The following CSMD3 variants were observed in gnomAD, a reference collection of about 807,000 sequenced individuals.
The protein encoded by CSMD3 is CUB and sushi domain-containing protein 3.
A neutral mutation model predicts 435.2 loss-of-function variants in CSMD3; 177 were observed. That is an observed-to-expected ratio of 0.41 (90% CI 0.36 to 0.46). The LOEUF (loss-of-function observed/expected upper bound fraction) is 0.46, where lower values mean the gene tolerates loss of function less well. Among genes scored for constraint, CSMD3 ranks in the 20% least tolerant of loss-of-function variants. CSMD3 has a pLI of 0.34. For synonymous variants in CSMD3, 1,656 were observed against 1,520.5 expected (o/e 1.09, Z -2.07); for missense variants, 4,265 against 4,504.6 (o/e 0.95, Z 1.52).
intron 4 of CSMD3, among the ~76,000 whole-genome samples, chr8:113,138,375 A>G (rs2091466950): frequency 6.6e-6 from 1 of 151,490 alleles, no homozygotes; most frequent in African/African-American, 2.4e-5. Context: ...TAGCTTATAA[A>G]TGCTGGCAAA....
chr8:112,231,721 A>G (rs951767654), intron 68 of CSMD3, 89 bp from the exon 69 acceptor site: 5 of 856,278 alleles, frequency 5.8e-6, no homozygotes, highest in Non-Finnish European at 9.9e-6. Context: ...TTATTCTGAA[A>G]GAAATATTAT....
At chr8:112,699,125 C>A (rs904552983) in intron 13 of CSMD3, among the ~76,000 whole-genome samples, 3 of 152,102 alleles carry the variant, frequency 2.0e-5, no homozygotes, top group Non-Finnish European at 4.4e-5. Flanking sequence ...CCGCTCGCGT[C>A]CCCTTCCATG....
intron 3 of CSMD3, among the ~76,000 whole-genome samples, chr8:113,235,424 A>C (rs2093136973): frequency 6.6e-6 from 1 of 152,138 alleles, no homozygotes; most frequent in Non-Finnish European, 1.5e-5. Context: ...CAGACCTTTT[A>C]CACAGAGTCA....
intron 1 of CSMD3, among the ~76,000 whole-genome samples, chr8:113,406,571 A>C (rs2129708343): frequency 6.6e-6 from 1 of 152,106 alleles, no homozygotes; most frequent in East Asian, 1.9e-4. Context: ...GTAAGCTCCA[A>C]AAGTTCAATC....
chr8:113,199,675 C>A (rs540096582), intron 3 of CSMD3, among the ~76,000 whole-genome samples: 6 of 151,720 alleles, frequency 4.0e-5, no homozygotes, highest in African/African-American at 1.2e-4. Flanking sequence ...GAGCAGCCTG[C>A]TGAAAGCCAC....
At chr8:113,101,305 A>G (rs950350763) in intron 4 of CSMD3, among the ~76,000 whole-genome samples, 3 of 152,098 alleles carry the variant, frequency 2.0e-5, no homozygotes, top group Non-Finnish European at 4.4e-5. Context: ...CTTGGACAGC[A>G]TGTAAGACCA....
chr8:112,421,603 A>T (rs1376290831), intron 32 of CSMD3, among the ~76,000 whole-genome samples: 1 of 147,048 alleles, frequency 6.8e-6, no homozygotes. Flanking sequence ...TACATATAAT[A>T]ATATATGTAT....
chr8:113,081,665 ATCT>A (rs2089569736), intron 5 of CSMD3, among the ~76,000 whole-genome samples: 1 of 151,964 alleles, frequency 6.6e-6, no homozygotes, highest in Non-Finnish European at 1.5e-5. Flanking sequence ...ATCACACTAC[ATCT>A]TGCCCTGGGG....
At chr8:112,329,064 T>G (rs141890483) in intron 45 of CSMD3, among the ~76,000 whole-genome samples, 86 of 152,274 alleles carry the variant, frequency 5.6e-4, no homozygotes, top group African/African-American at 1.9e-3. Flanking sequence ...CATTTCAATA[T>G]CTGTTGCATG....
intron 12 of CSMD3, among the ~76,000 whole-genome samples, chr8:112,809,059 A>T (rs2079159318): frequency 6.6e-6 from 1 of 152,186 alleles, no homozygotes; most frequent in African/African-American, 2.4e-5. Flanking sequence ...TCTGCAAACA[A>T]GCGTGATATT....
chr8:112,365,468 CTTTTTTTTTTTT>C (rs546920182), intron 38 of CSMD3, among the ~76,000 whole-genome samples: 1 of 112,650 alleles, frequency 8.9e-6, no homozygotes, highest in African/African-American at 3.4e-5. Context: ...CATAGATTTC[CTTTTTTTTTTTT>C]TTTTTTTTTT....
intron 12 of CSMD3, among the ~76,000 whole-genome samples, chr8:112,802,878 A>G (rs1200096955): frequency 6.6e-6 from 1 of 152,046 alleles, no homozygotes; most frequent in African/African-American, 2.4e-5. Context: ...TTTATTAATG[A>G]GTATGCATGG....
chr8:112,425,160 G>A (rs1428963082), intron 32 of CSMD3, among the ~76,000 whole-genome samples: 1 of 152,082 alleles, frequency 6.6e-6, no homozygotes, highest in Admixed American at 6.6e-5. Flanking sequence ...ATGTAAATAG[G>A]ATCATTATCA....
At chr8:112,239,324 G>T (rs972137400) in intron 66 of CSMD3, among the ~76,000 whole-genome samples, 1 of 151,910 alleles carries the variant, frequency 6.6e-6, no homozygotes, top group Non-Finnish European at 1.5e-5. Context: ...TTTCGCATGG[G>T]TTATCTTTAC....
chr8:112,307,185 A>C (rs1397086191), intron 50 of CSMD3, among the ~76,000 whole-genome samples: 1 of 151,774 alleles, frequency 6.6e-6, no homozygotes, highest in Non-Finnish European at 1.5e-5. Flanking sequence ...GTGCGGTGGC[A>C]CTATCTGGGA....
chr8:112,651,721 T>G (rs2075132386), intron 18 of CSMD3, among the ~76,000 whole-genome samples: 1 of 151,996 alleles, frequency 6.6e-6, no homozygotes, highest in Non-Finnish European at 1.5e-5. Context: ...GTATTGTTAG[T>G]AGAGACGGGT....
intron 1 of CSMD3, among the ~76,000 whole-genome samples, chr8:113,418,124 C>T (rs542422217): frequency 6.6e-6 from 1 of 152,096 alleles, no homozygotes; most frequent in South Asian, 2.1e-4. Context: ...AGACATTGAC[C>T]TTTCATATTT....
At chr8:112,419,353 AT>A (rs556523448) in intron 32 of CSMD3, among the ~76,000 whole-genome samples, 1 of 152,312 alleles carries the variant, frequency 6.6e-6, no homozygotes, top group South Asian at 2.1e-4. Flanking sequence ...TAATGAGACC[AT>A]TCTGGCTCTG....
intron 41 of CSMD3, among the ~76,000 whole-genome samples, chr8:112,341,942 T>C (rs978353238): frequency 6.6e-6 from 1 of 152,128 alleles, no homozygotes; most frequent in Non-Finnish European, 1.5e-5. Flanking sequence ...ATAATGTCAC[T>C]GTATGAAAAA....
Sources: gnomAD v4.1 joint callset for allele counts (sites outside exome capture counted in the v4.1 genomes callset) on GRCh38, gnomAD v4.1.1 for gene constraint, MANE v1.5 for transcripts, NCBI Gene and HGNC (gene_info 2026-07-23, HGNC 2026-07-21) for gene names.